The following MAML3 variants were observed in gnomAD, a reference collection of about 807,000 sequenced individuals.
MAML3 encodes mastermind-like protein 3.
In MAML3, 27 loss-of-function variants were observed where a neutral mutation model predicts 101.9. That is an observed-to-expected ratio of 0.27 (90% CI 0.20 to 0.37). The LOEUF is 0.37. MAML3 is among the 10% of genes least tolerant of loss of function. MAML3 has a pLI of 1.00. For missense variants in MAML3, 1,316 were observed against 1,444.9 expected, an observed-to-expected ratio of 0.91 and a Z score of 1.45; for synonymous variants, 501 against 555.9, an observed-to-expected ratio of 0.90 and a Z score of 1.39.
intron 2 of MAML3, among the ~76,000 whole-genome samples, chr4:139,734,935 G>A (rs999419589): frequency 3.9e-5 from 6 of 152,256 alleles, no homozygotes; most frequent in Non-Finnish European, 8.8e-5. Flanking sequence ...GTCCCTCGCC[G>A]GGGCAACGCA....
chr4:139,952,248 A>G (rs1327064255), intron 1 of MAML3, among the ~76,000 whole-genome samples: 1 of 152,172 alleles, frequency 6.6e-6, no homozygotes. Context: ...GGATTCTGGA[A>G]TCCCTCTTTT....
chr4:139,836,241 A>G (rs1157967095), intron 2 of MAML3, among the ~76,000 whole-genome samples: 1 of 152,248 alleles, frequency 6.6e-6, no homozygotes, highest in African/African-American at 2.4e-5. Flanking sequence ...ACAGGACCCC[A>G]AAGGTGTTAT....
At chr4:139,941,614 T>C (rs982657049) in intron 1 of MAML3, among the ~76,000 whole-genome samples, 2 of 151,956 alleles carry the variant, frequency 1.3e-5, no homozygotes, top group African/African-American at 4.8e-5. Flanking sequence ...CTGGGGACAG[T>C]AAGAATGATA....
At chr4:139,883,782 C>G (rs1476582053) in intron 2 of MAML3, among the ~76,000 whole-genome samples, 1 of 150,912 alleles carries the variant, frequency 6.6e-6, no homozygotes, top group Non-Finnish European at 1.5e-5. Flanking sequence ...ACTTTCTGAG[C>G]TGTGCATGTG....
chr4:139,804,904 C>T (rs893225541), intron 2 of MAML3, among the ~76,000 whole-genome samples: 10 of 152,230 alleles, frequency 6.6e-5, no homozygotes, highest in South Asian at 6.2e-4. Context: ...TGATGCTGGG[C>T]GCGATGGCTC....
At chr4:140,008,806 C>T (rs552550493) in intron 1 of MAML3, among the ~76,000 whole-genome samples, 2 of 152,242 alleles carry the variant, frequency 1.3e-5, no homozygotes, top group African/African-American at 4.8e-5. Context: ...TGACTCCTTG[C>T]GATAAAAGAC....
At chr4:140,147,526 A>C (rs1399850307) in intron 1 of MAML3, among the ~76,000 whole-genome samples, 1 of 152,234 alleles carries the variant, frequency 6.6e-6, no homozygotes, top group African/African-American at 2.4e-5. Context: ...GGGGGAAGGA[A>C]AAACAAAGCA....
At chr4:140,092,780 G>C (rs904770922) in intron 1 of MAML3, among the ~76,000 whole-genome samples, 1 of 152,098 alleles carries the variant, frequency 6.6e-6, no homozygotes, top group South Asian at 2.1e-4. Context: ...TATCGCAGAG[G>C]CTCCCAAAAC....
intron 2 of MAML3, among the ~76,000 whole-genome samples, chr4:139,778,619 C>T (rs1038428931): frequency 2.0e-5 from 3 of 152,206 alleles, no homozygotes; most frequent in African/African-American, 7.2e-5. Context: ...CCTTACTCTT[C>T]CTGAGGGCGA....
chr4:139,730,244 C>T, intron 3 of MAML3, 172 bp downstream of exon 3: 1 of 639,034 alleles, frequency 1.6e-6, no homozygotes, highest in Non-Finnish European at 2.7e-6. Context: ...TAGGAAAAAC[C>T]CTAACTAATT....
intron 2 of MAML3, among the ~76,000 whole-genome samples, chr4:139,856,558 G>A (rs1578632844): frequency 6.6e-6 from 1 of 152,330 alleles, no homozygotes; most frequent in Admixed American, 6.5e-5. Context: ...TCTTCATCCT[G>A]ATACGTTGTA....
At chr4:140,052,073 T>C (rs1343157194) in intron 1 of MAML3, among the ~76,000 whole-genome samples, 1 of 152,172 alleles carries the variant, frequency 6.6e-6, no homozygotes, top group Non-Finnish European at 1.5e-5. Context: ...TATCAGTTGC[T>C]TTCATGAAAT....
chr4:139,968,426 C>T lies in MAML3; in HGVS notation c.469-77459G>A, dbSNP rs535983930. On this transcript the variant is annotated intron_variant, in intron 1 of 4. Transcript: ENST00000509479. ...CAACACTAGGGACTCAATTTGACCC[C>T]CATTACCTGGCTGCTTTATCTTAGT... 3.9e-5 allele frequency among the ~76,000 whole-genome samples: 6 copies of T among 152,224 alleles called. No homozygotes were observed. The East Asian group carries it at 7.7e-4, about 20-fold the overall frequency.
intron 1 of MAML3, among the ~76,000 whole-genome samples, chr4:140,051,400 C>CA (rs1227737213): frequency 6.6e-6 from 1 of 151,454 alleles, no homozygotes; most frequent in Admixed American, 6.6e-5. Context: ...ACTAAAAATA[C>CA]AAAAAAATTA....
chr4:139,764,400 G>T (rs1729812758), intron 2 of MAML3, among the ~76,000 whole-genome samples: 1 of 152,230 alleles, frequency 6.6e-6, no homozygotes, highest in South Asian at 2.1e-4. Context: ...GGACGTCTGT[G>T]CCCCTGCATG....
chr4:139,826,696 T>C (rs1045728340), intron 2 of MAML3, among the ~76,000 whole-genome samples: 1 of 152,178 alleles, frequency 6.6e-6, no homozygotes. Context: ...CACTTCAGAT[T>C]TAAGCTGTCC....
intron 2 of MAML3, among the ~76,000 whole-genome samples, chr4:139,826,365 G>T (rs756023870): frequency 2.4e-4 from 37 of 152,120 alleles, no homozygotes; most frequent in Non-Finnish European, 3.4e-4. Flanking sequence ...GTGTTCATAA[G>T]AGTGCTTACC....
intron 2 of MAML3, among the ~76,000 whole-genome samples, chr4:139,779,096 A>G (rs186621302): frequency 3.5e-4 from 53 of 152,362 alleles, no homozygotes; most frequent in Non-Finnish European, 5.0e-4. Context: ...CTCTTGGAAT[A>G]TATGACTGCA....
chr4:139,723,085 T>C (rs1272462871), intron 4 of MAML3, among the ~76,000 whole-genome samples: 1 of 152,228 alleles, frequency 6.6e-6, no homozygotes, highest in Non-Finnish European at 1.5e-5. Context: ...TAGTATCTTA[T>C]TGGTTGAGGA....
Sources: gnomAD v4.1 joint callset for allele counts (sites outside exome capture counted in the v4.1 genomes callset) on GRCh38, gnomAD v4.1.1 for gene constraint, MANE v1.5 for transcripts, NCBI Gene and HGNC (gene_info 2026-07-23, HGNC 2026-07-21) for gene names.